SGCG: variants seen among roughly 807,000 people sequenced by gnomAD.
The protein encoded by SGCG is gamma-sarcoglycan.
A neutral mutation model predicts 29.3 loss-of-function variants in SGCG; 26 were observed. The observed-to-expected ratio is 0.89, with a 90% CI of 0.65 to 1.23. The LOEUF is 1.23. SGCG is among the 50% of genes most tolerant of loss of function. SGCG has a pLI of 0.00. For synonymous variants in SGCG, 145 were observed against 129.7 expected, an observed-to-expected ratio of 1.12 and a Z score of -0.80; for missense variants, 353 against 356.0, an observed-to-expected ratio of 0.99 and a Z score of 0.07.
At chr13:23,271,900 A>C (rs978985607) in intron 4 of SGCG, among the ~76,000 whole-genome samples, 4 of 152,172 alleles carry the variant, frequency 2.6e-5, no homozygotes, top group Admixed American at 2.6e-4. Context: ...TGAATTTCTA[A>C]ATTTTTAATC....
At chr13:23,280,467 T>C (rs1220591379) in intron 5 of SGCG, among the ~76,000 whole-genome samples, 2 of 152,186 alleles carry the variant, frequency 1.3e-5, no homozygotes, top group African/African-American at 4.8e-5. Flanking sequence ...TAACAAACTA[T>C]AAAGATCATA....
chr13:23,180,374 CTG>C (rs765932469), upstream of SGCG, among the ~76,000 whole-genome samples: 2 of 152,044 alleles, frequency 1.3e-5, no homozygotes. Context: ...TAGAAAAGAA[CTG>C]TCATAATTTT....
chr13:23,269,968 A>G (rs1002703762), intron 4 of SGCG, among the ~76,000 whole-genome samples: 2 of 146,048 alleles, frequency 1.4e-5, no homozygotes, highest in Non-Finnish European at 3.0e-5. Flanking sequence ...TCCGCCTCCC[A>G]GGTTCACGCC....
rs1306880164 is a variant in SGCG, at chr13:23,271,507, C to T, written c.386-7852C>T. 1.3e-5 allele frequency among the ~76,000 whole-genome samples: 2 copies of T among 152,174 alleles called. 1 individual carries two copies. The highest frequency in any genetic ancestry group is 4.1e-4 in the South Asian group (2 of 4,834). Reference sequence around the variant, plus strand: ...AAAGCTGTCCTGGGCTGCATGCAGCCGGCGGGCTACAGGTTGGACAAGCTT... The same window carrying T: ...AAAGCTGTCCTGGGCTGCATGCAGCTGGCGGGCTACAGGTTGGACAAGCTT... On this transcript the variant is annotated intron_variant, in intron 4 of 7. Coordinates refer to ENST00000218867, the MANE Select transcript of SGCG (RefSeq NM_000231.3).
At chr13:23,236,547 G>A (rs537944530) in intron 3 of SGCG, among the ~76,000 whole-genome samples, 7 of 152,048 alleles carry the variant, frequency 4.6e-5, no homozygotes, top group South Asian at 4.2e-4. Flanking sequence ...GCGTGGTGGC[G>A]GGCGCCTGTA....
chr13:23,200,079 C>A (rs1877678840), intron 1 of SGCG, among the ~76,000 whole-genome samples: 1 of 152,104 alleles, frequency 6.6e-6, no homozygotes, highest in African/African-American at 2.4e-5. Flanking sequence ...TGAGGAAATT[C>A]TGAAGTAACA....
intron 4 of SGCG, among the ~76,000 whole-genome samples, chr13:23,262,600 T>C (rs1257456278): frequency 2.6e-5 from 4 of 151,996 alleles, no homozygotes; most frequent in Non-Finnish European, 4.4e-5. Context: ...AGACAAATCA[T>C]TGAGGCAGAA....
chr13:23,244,672 A>G (rs1879631251), intron 3 of SGCG: 2 of 152,174 alleles, frequency 1.3e-5, no homozygotes, highest in Non-Finnish European at 2.9e-5. Flanking sequence ...TTCCTTAACA[A>G]TATGATTCAG....
At chr13:23,164,407 C>G in the SGCG span, among the ~76,000 whole-genome samples, 1 of 152,176 alleles carries the variant, frequency 6.6e-6, no homozygotes, top group Non-Finnish European at 1.5e-5. Context: ...TTCATACACA[C>G]TCTGCAATTA....
upstream of SGCG, among the ~76,000 whole-genome samples, chr13:23,176,985 T>G (rs930341888): frequency 2.6e-5 from 4 of 152,166 alleles, no homozygotes; most frequent in Non-Finnish European, 5.9e-5. Flanking sequence ...GTTTTAACAG[T>G]AGATGAATGA....
chr13:23,212,539 T>A (rs141738198), intron 2 of SGCG, among the ~76,000 whole-genome samples: 4 of 152,244 alleles, frequency 2.6e-5, no homozygotes, highest in African/African-American at 9.6e-5. Flanking sequence ...TTCAATATAG[T>A]TGTTGTTATA....
intron 4 of SGCG, among the ~76,000 whole-genome samples, chr13:23,263,243 A>C (rs1880514792): frequency 6.6e-6 from 1 of 152,130 alleles, no homozygotes; most frequent in Non-Finnish European, 1.5e-5. Flanking sequence ...ATATTAATCA[A>C]GAAAAGAAGA....
At chr13:23,222,294 C>G (rs1213278403) in intron 2 of SGCG, among the ~76,000 whole-genome samples, 1 of 152,172 alleles carries the variant, frequency 6.6e-6, no homozygotes, top group Non-Finnish European at 1.5e-5. Context: ...AAGTGATGTT[C>G]TTAAAATGGT....
Position 23,198,526 on chromosome 13 carries a change from A to C in SGCG, c.1-5169A>C, listed in dbSNP as rs1281344096. On this transcript the variant is annotated intron_variant, in intron 1 of 7. Transcript: ENST00000218867. ...ATTAAAGGATTGAAAACTATACCTG[A>C]GAGATGCATTGAAAAGCAATCAAAA... 2.0e-5 allele frequency among the ~76,000 whole-genome samples: 3 copies of C among 152,162 alleles called. No individual in the cohort carries two copies. In the East Asian group the frequency reaches 5.8e-4, roughly 29 times the overall value.
chr13:23,207,875 T>C (rs1439636641), intron 2 of SGCG, among the ~76,000 whole-genome samples: 2 of 152,182 alleles, frequency 1.3e-5, no homozygotes, highest in African/African-American at 2.4e-5. Flanking sequence ...GCAGCCACTA[T>C]GGAAAACAGT....
intron 4 of SGCG, among the ~76,000 whole-genome samples, chr13:23,274,402 T>C (rs1373187860): frequency 2.4e-5 from 3 of 124,694 alleles, no homozygotes; most frequent in Non-Finnish European, 4.9e-5. Flanking sequence ...TCTCTTTTTT[T>C]TTTTTTTTTT....
intron 2 of SGCG, among the ~76,000 whole-genome samples, chr13:23,206,395 T>C (rs962555341): frequency 3.9e-5 from 6 of 152,216 alleles, no homozygotes; most frequent in African/African-American, 1.4e-4. Context: ...AGATACCTCA[T>C]ATAAATGGAA....
intron 2 of SGCG, among the ~76,000 whole-genome samples, chr13:23,219,552 T>C (rs1037935892): frequency 2.6e-5 from 4 of 152,142 alleles, no homozygotes; most frequent in Non-Finnish European, 4.4e-5. Flanking sequence ...TAGGTTTATT[T>C]TATTTTGCAT....
At chr13:23,231,670 G>A (rs532941355) in intron 2 of SGCG, among the ~76,000 whole-genome samples, 105 of 152,200 alleles carry the variant, frequency 6.9e-4, no homozygotes, top group Non-Finnish European at 1.3e-3. Context: ...ATACATGATC[G>A]ATTTTTATAA....
Sources: gnomAD v4.1 joint callset for allele counts (sites outside exome capture counted in the v4.1 genomes callset) on GRCh38, gnomAD v4.1.1 for gene constraint, MANE v1.5 for transcripts, NCBI Gene and HGNC (gene_info 2026-07-23, HGNC 2026-07-21) for gene names.